The following SGMS1 variants were observed in gnomAD, a reference collection of about 807,000 sequenced individuals.
The protein encoded by SGMS1 is phosphatidylcholine:ceramide cholinephosphotransferase 1.
SGMS1 carries 13 observed loss-of-function variants against 46.2 expected under a neutral mutation model. The ratio of observed to expected loss-of-function variants is 0.28; its 90% CI spans 0.18 to 0.45. The LOEUF is 0.45. Ranked by LOEUF, SGMS1 falls within the 20% of genes least tolerant of loss-of-function variation. The pLI is 1.00. For synonymous variants in SGMS1, 203 were observed against 187.8 expected, an observed-to-expected ratio of 1.08 and a Z score of -0.66; for missense variants, 324 against 519.9, an observed-to-expected ratio of 0.62 and a Z score of 3.66.
At chr10:50,431,266 G>A (rs1849401719) in intron 6 of SGMS1, among the ~76,000 whole-genome samples, 2 of 152,088 alleles carry the variant, frequency 1.3e-5, no homozygotes, top group African/African-American at 4.8e-5. Context: ...GTCCATCCCT[G>A]ACTCAGCGGG....
intron 2 of SGMS1, among the ~76,000 whole-genome samples, chr10:50,578,006 C>T (rs1269658541): frequency 1.3e-5 from 2 of 152,174 alleles, no homozygotes; most frequent in African/African-American, 4.8e-5. Flanking sequence ...ACAGAGGATA[C>T]ATGTAACGTT....
intron 6 of SGMS1, among the ~76,000 whole-genome samples, chr10:50,354,500 C>A (rs1392428643): frequency 1.3e-5 from 2 of 152,048 alleles, no homozygotes; most frequent in African/African-American, 4.8e-5. Context: ...AGAAGAAAAC[C>A]TAGGCAATAC....
At chr10:50,407,364 T>C (rs1297647123) in intron 6 of SGMS1, among the ~76,000 whole-genome samples, 2 of 152,182 alleles carry the variant, frequency 1.3e-5, no homozygotes, top group Non-Finnish European at 2.9e-5. Flanking sequence ...AATGATGAAG[T>C]ACTACATTTT....
intron 5 of SGMS1, among the ~76,000 whole-genome samples, chr10:50,448,742 C>CAAAAAAAAAAA (rs35580756): frequency 5.1e-5 from 3 of 58,718 alleles, no homozygotes; most frequent in East Asian, 3.5e-4. Flanking sequence ...GAAACTCCGC[C>CAAAAAAAAAAA]AAAAAAAAAA....
chr10:50,611,950 C>T (rs950014171), intron 1 of SGMS1, among the ~76,000 whole-genome samples: 17 of 152,192 alleles, frequency 1.1e-4, no homozygotes, highest in African/African-American at 3.9e-4. Flanking sequence ...TGGGCAAAGC[C>T]TGCCTTCCCA....
At chr10:50,351,506 T>C (rs944443124) in intron 6 of SGMS1, among the ~76,000 whole-genome samples, 4 of 152,200 alleles carry the variant, frequency 2.6e-5, no homozygotes, top group East Asian at 1.9e-4. Context: ...TCATTTTGAA[T>C]TGAATTCCCA....
chr10:50,448,539 G>A (rs1837054779), intron 5 of SGMS1, among the ~76,000 whole-genome samples: 1 of 152,112 alleles, frequency 6.6e-6, no homozygotes, highest in African/African-American at 2.4e-5. Flanking sequence ...GAGGTCGGGA[G>A]TTCGAGACCA....
At chr10:50,522,950 A>G (rs913381308) in intron 2 of SGMS1, among the ~76,000 whole-genome samples, 1 of 152,140 alleles carries the variant, frequency 6.6e-6, no homozygotes, top group African/African-American at 2.4e-5. Flanking sequence ...CAGCCACTTC[A>G]GCAGCCTTAA....
intron 8 of SGMS1, among the ~76,000 whole-genome samples, chr10:50,316,154 G>A (rs74131277): frequency 0.011 from 1,608 of 152,314 alleles, 34 homozygotes; most frequent in African/African-American, 0.037. Flanking sequence ...GGCACTGACT[G>A]TACTTCAGCC....
chr10:50,515,976 A>G (rs566478737), intron 3 of SGMS1, among the ~76,000 whole-genome samples: 33 of 152,306 alleles, frequency 2.2e-4, no homozygotes, highest in African/African-American at 7.5e-4. Context: ...TGTCTTTCCT[A>G]TAATTAGACT....
chr10:50,610,758 C>T (rs1360496198), intron 1 of SGMS1, among the ~76,000 whole-genome samples: 4 of 152,130 alleles, frequency 2.6e-5, no homozygotes, highest in South Asian at 2.1e-4. Context: ...CCTGACAACC[C>T]GACATGCTAT....
intron 5 of SGMS1, among the ~76,000 whole-genome samples, chr10:50,434,148 T>C (rs999582671): frequency 1.3e-5 from 2 of 152,248 alleles, no homozygotes; most frequent in African/African-American, 2.4e-5. Flanking sequence ...AATAATAAAA[T>C]ATGGCCAGCA....
At chr10:50,610,551 G>C (rs1376313141) in intron 1 of SGMS1, among the ~76,000 whole-genome samples, 1 of 152,116 alleles carries the variant, frequency 6.6e-6, no homozygotes, top group Non-Finnish European at 1.5e-5. Context: ...TAAAATCAAA[G>C]TGAGAGGGAA....
intron 3 of SGMS1, among the ~76,000 whole-genome samples, chr10:50,506,668 T>G (rs935082991): frequency 2.4e-4 from 37 of 152,220 alleles, no homozygotes; most frequent in African/African-American, 8.7e-4. Context: ...TAAAGGGATG[T>G]GCTGCTTGTC....
At chr10:50,568,679 A>G (rs564188660) in intron 2 of SGMS1, among the ~76,000 whole-genome samples, 1 of 152,334 alleles carries the variant, frequency 6.6e-6, no homozygotes, top group South Asian at 2.1e-4. Context: ...TATCAAAAAA[A>G]AGTAAAGTTT....
chr10:50,421,979 C>T (rs1218372570), intron 6 of SGMS1, among the ~76,000 whole-genome samples: 2 of 152,164 alleles, frequency 1.3e-5, no homozygotes, highest in Non-Finnish European at 2.9e-5. Context: ...TGACAACCTT[C>T]TTGCATTCTT....
chr10:50,338,504 A>G (rs1226794220), intron 7 of SGMS1, among the ~76,000 whole-genome samples: 1 of 152,034 alleles, frequency 6.6e-6, no homozygotes, highest in African/African-American at 2.4e-5. Context: ...AGTAAATGCT[A>G]TTTCCCCATC....
At position 50,465,301 on chromosome 10, in the gene SGMS1, C is replaced by A. The variant is rs142915459; in HGVS notation, c.-455+1589G>T. ...CTTAAGTATGAACAGACAACTAAAT[C>A]CCCAGCACTCATTTGGGAAGAGCCT... On this transcript the variant is annotated intron_variant, in intron 4 of 10. Transcript: ENST00000361781. Among the ~76,000 whole-genome samples, 538 of 152,186 alleles carry A rather than the reference C, an allele frequency of 3.5e-3. 3 individuals carry two copies. The highest frequency in any genetic ancestry group is 0.012 in the African/African-American group (512 of 41,518).
chr10:50,575,225 T>A lies in SGMS1; in HGVS notation c.-589+14928A>T, dbSNP rs188886529. 3.2e-3 allele frequency among the ~76,000 whole-genome samples: 482 copies of A among 152,078 alleles called. 5 individuals are homozygous for A. Among genetic ancestry groups the A allele is most frequent in the African/African-American group, 0.011 (454 of 41,502 alleles). On this transcript the variant is annotated intron_variant, in intron 2 of 10. Coordinates refer to ENST00000361781, the MANE Select transcript of SGMS1 (RefSeq NM_147156.4). Reference sequence around the variant, plus strand: ...ATAGTGTACAATATAGTGCCTATAGTTAACAATAAGACATTATGCACTTAA... The same window carrying A: ...ATAGTGTACAATATAGTGCCTATAGATAACAATAAGACATTATGCACTTAA...
Sources: gnomAD v4.1 joint callset for allele counts (sites outside exome capture counted in the v4.1 genomes callset) on GRCh38, gnomAD v4.1.1 for gene constraint, MANE v1.5 for transcripts, NCBI Gene and HGNC (gene_info 2026-07-23, HGNC 2026-07-21) for gene names.